Variants in RPA1 observed in about 807,000 individuals in gnomAD.
RPA1 encodes the protein replication protein A 70 kDa DNA-binding subunit.
Under a neutral mutation model 83.0 loss-of-function variants are expected in RPA1, and 49 were observed. The ratio of observed to expected loss-of-function variants is 0.59; its 90% CI spans 0.47 to 0.75. RPA1 has a LOEUF of 0.75. RPA1 is among the 30% of genes least tolerant of loss of function. The pLI is 0.00. For missense variants in RPA1, 693 were observed against 776.1 expected (o/e 0.89, Z 1.27); for synonymous variants, 279 against 281.8 (o/e 0.99, Z 0.10).
intron 6 of RPA1, among the ~76,000 whole-genome samples, 199 bp downstream of exon 6, chr17:1,872,725 TTTTTG>T: frequency 6.6e-6 from 1 of 150,898 alleles, no homozygotes; most frequent in Non-Finnish European, 1.5e-5. Context: ...TTTTTTTTTT[TTTTTG>T]GAAGTAGGGT....
intron 5 of RPA1, among the ~76,000 whole-genome samples, chr17:1,861,147 G>GGACTCTGCT (rs1055242260): frequency 1.3e-5 from 2 of 152,096 alleles, no homozygotes. Context: ...GGGCCAACCA[G>GGACTCTGCT]GACTCTGCTG....
chr17:1,851,097 C>T (rs889288764), intron 4 of RPA1, among the ~76,000 whole-genome samples: 1 of 152,130 alleles, frequency 6.6e-6, no homozygotes, highest in Admixed American at 6.6e-5. Flanking sequence ...CGTCCACTAT[C>T]CTCTGTAATT....
intron 16 of RPA1, among the ~76,000 whole-genome samples, chr17:1,896,427 T>C (rs1914427426): frequency 6.6e-6 from 1 of 151,922 alleles, no homozygotes; most frequent in Admixed American, 6.6e-5. Flanking sequence ...TTGCAGGGTT[T>C]ACTCACGTAT....
rs373334532 is a variant in RPA1 at position 1,834,603 on chromosome 17, G to A, written c.33+4477G>A. On this transcript the variant is annotated intron_variant, in intron 1 of 16. Coordinates refer to ENST00000254719, the MANE Select transcript of RPA1 (RefSeq NM_002945.5). Reference sequence around the variant, plus strand: ...AGAGTCACATGATAAAATAAGAGATGATGCATAGAACTCTTGTGGTCAACA... The same window carrying A: ...AGAGTCACATGATAAAATAAGAGATAATGCATAGAACTCTTGTGGTCAACA... Among the ~76,000 whole-genome samples the A allele has an allele frequency of 4.6e-5, 7 of 152,284 alleles. No individual in the cohort carries two copies. The South Asian group carries it at 1.0e-3, about 23-fold the overall frequency.
intron 5 of RPA1, among the ~76,000 whole-genome samples, chr17:1,870,856 G>A (rs997146117): frequency 1.1e-4 from 17 of 152,310 alleles, no homozygotes; most frequent in Middle Eastern, 3.4e-3. Context: ...GGAGGAAGTC[G>A]GAGGGAGTGT....
chr17:1,888,799 G>C lies in RPA1; in HGVS notation c.1499G>C (p.Cys500Ser). 1 of 1,614,180 alleles carries C rather than the reference G, an allele frequency of 6.2e-7. No homozygotes were observed. The highest frequency in any genetic ancestry group is 2.2e-5 in the East Asian group (1 of 44,892). Residue 500 changes from cysteine to serine, a missense_variant, in exon 14 of 17, where the codon TGT (cysteine) becomes TCT (serine). By Grantham distance (112) the Cys-to-Ser change is moderately radical. Coordinates refer to ENST00000254719, the MANE Select transcript of RPA1 (RefSeq NM_002945.5). ...GATCAACAGAATGGATTGTACCGCT[G>C]TGAGAAGTGCGACACCGAATTTCCC... ...VIDQQNGLYR[C>S]EKCDTEFPNF...
chr17:1,872,496 C>A lies in RPA1; in HGVS notation c.424C>A (p.Pro142Thr). The A allele has an allele frequency of 1.2e-6, 2 of 1,613,982 alleles. No individual in the cohort carries two copies. ...AGCCAGCCCAGCAGCAAGCAGCAGG[C>A]CCCAGCCGCAGAATGGAAGCTCGGG... ...PAASPAASSR[P>T]QPQNGSSGMG... The change falls in exon 6 of 17, where the codon CCC becomes ACC. Residue 142 changes from proline (P) to threonine (T), a missense_variant. Transcript: ENST00000254719.
chr17:1,888,795 C>T lies in RPA1; in HGVS notation c.1495C>T (p.Arg499Cys), dbSNP rs751791812. Reference sequence around the variant, plus strand: ...GATTGATCAACAGAATGGATTGTACCGCTGTGAGAAGTGCGACACCGAATT... The same window carrying T: ...GATTGATCAACAGAATGGATTGTACTGCTGTGAGAAGTGCGACACCGAATT... The part of the protein sequence containing the change: ...KVIDQQNGLY[R>C]CEKCDTEFPN... The change falls in exon 14 of 17, where the codon CGC (arginine) becomes TGC (cysteine). Residue 499 changes from arginine (R) to cysteine (C), a missense_variant. Coordinates refer to ENST00000254719, the MANE Select transcript of RPA1 (RefSeq NM_002945.5). 35 of 1,613,990 alleles carry T rather than the reference C, an allele frequency of 2.2e-5. No individual in the cohort carries two copies. The highest frequency in any genetic ancestry group is 1.7e-4 in the Admixed American group (10 of 59,996).
At chr17:1,831,534 A>AT (rs908337016) in intron 1 of RPA1, among the ~76,000 whole-genome samples, 3 of 143,634 alleles carry the variant, frequency 2.1e-5, no homozygotes, top group Non-Finnish European at 4.6e-5. Flanking sequence ...TCACCCCCAC[A>AT]TTTTTTTTTA....
rs1020758349 is a variant in RPA1 at position 1,897,902 on chromosome 17, C to G, written c.*727C>G. 6.6e-6 allele frequency: 1 copy of G among 152,638 alleles called. No homozygotes were observed. Among genetic ancestry groups the G allele is most frequent in the Non-Finnish European group, 1.5e-5 (1 of 68,058 alleles). The allele number at this position is 152,638 out of a possible 1,614,324, so 9.5% of individuals were successfully genotyped here. A position where few individuals can be genotyped will look rare whatever the true frequency, so the allele number is the denominator to read the frequency against. On this transcript the variant is annotated 3_prime_UTR_variant, in exon 17 of 17. Coordinates refer to ENST00000254719, the MANE Select transcript of RPA1 (RefSeq NM_002945.5). The stretch of plus-strand genomic sequence containing the variant: ...CAAAGCGTTTCTTTACTTCTCACTT[C>G]AATTAATGCTGCGCTTCGCTTGGTG...
chr17:1,832,196 G>T (rs908257175), intron 1 of RPA1, among the ~76,000 whole-genome samples: 5 of 151,576 alleles, frequency 3.3e-5, no homozygotes, highest in African/African-American at 7.3e-5. Flanking sequence ...CTCCCAAAGT[G>T]CTGGGATTAC....
chr17:1,897,307 C>G lies in RPA1; in HGVS notation c.*132C>G, dbSNP rs1361183508. On this transcript the variant is annotated 3_prime_UTR_variant, in exon 17 of 17. Transcript: ENST00000254719. ...TTGATGGTGGACTAAGCAATTTCCCCCCTCGTGCGCATCTCAGAACCCATC... is the reference window on the plus strand; with the variant it reads ...TTGATGGTGGACTAAGCAATTTCCCGCCTCGTGCGCATCTCAGAACCCATC... The G allele has an allele frequency of 3.0e-6, 2 of 663,248 alleles. No individual in the cohort carries two copies. The highest frequency in any genetic ancestry group is 1.8e-5 in the African/African-American group (1 of 54,804). 41.1% of individuals were successfully genotyped at this position (663,248 alleles called of 1,614,324 possible). A position where few individuals can be genotyped will look rare whatever the true frequency, so the allele number is the denominator to read the frequency against.
chr17:1,857,342 A>G (rs977010417), intron 5 of RPA1, among the ~76,000 whole-genome samples: 1 of 151,800 alleles, frequency 6.6e-6, no homozygotes, highest in African/African-American at 2.4e-5. Flanking sequence ...TCGATGAGAA[A>G]GCATAAAATT....
At chr17:1,877,670 G>T (rs1009993984) in intron 8 of RPA1, among the ~76,000 whole-genome samples, 8 of 152,174 alleles carry the variant, frequency 5.3e-5, no homozygotes, top group Non-Finnish European at 1.5e-5. Flanking sequence ...GGAGAAGCTG[G>T]AAACAGTCTG....
intron 12 of RPA1, among the ~76,000 whole-genome samples, chr17:1,883,058 GC>G (rs1942031996): frequency 6.6e-6 from 1 of 151,914 alleles, no homozygotes; most frequent in South Asian, 2.1e-4. Flanking sequence ...AGTGCCTCAC[GC>G]CCTGTAATCC....
At chr17:1,852,775 A>C (rs1390836948) in intron 4 of RPA1, among the ~76,000 whole-genome samples, 1 of 152,246 alleles carries the variant, frequency 6.6e-6, no homozygotes, top group Non-Finnish European at 1.5e-5. Flanking sequence ...TGTTGAGATA[A>C]GTATGTGTTT....
chr17:1,889,521 T>C (rs1456610718), intron 14 of RPA1, among the ~76,000 whole-genome samples: 1 of 151,946 alleles, frequency 6.6e-6, no homozygotes, highest in Non-Finnish European at 1.5e-5. Flanking sequence ...ATTATTTTAT[T>C]GTAGAGACAG....
At chr17:1,869,346 G>A (rs750662496) in intron 5 of RPA1, among the ~76,000 whole-genome samples, 10 of 152,134 alleles carry the variant, frequency 6.6e-5, no homozygotes, top group Non-Finnish European at 1.2e-4. Flanking sequence ...AGACCAGCCT[G>A]GCCAACATGG....
At chr17:1,893,868 CT>C (rs35150925) in intron 15 of RPA1, among the ~76,000 whole-genome samples, 1 of 151,046 alleles carries the variant, frequency 6.6e-6, no homozygotes, top group Non-Finnish European at 1.5e-5. Flanking sequence ...TCCTTTTTTT[CT>C]TTTTTTTGAG....
Sources: allele counts gnomAD v4.1 joint callset (sites outside exome capture counted in the v4.1 genomes callset), GRCh38; gene constraint gnomAD v4.1.1; transcripts MANE v1.5; gene names NCBI Gene and HGNC (gene_info 2026-07-23, HGNC 2026-07-21).